FRMD4B: variants seen among roughly 807,000 people sequenced by gnomAD.
FRMD4B encodes FERM domain containing 4B.
A neutral mutation model predicts 141.5 loss-of-function variants in FRMD4B; 74 were observed. The observed-to-expected ratio is 0.52, with a 90% confidence interval of 0.43 to 0.63. The LOEUF is 0.63. Ranked by LOEUF, FRMD4B falls within the 30% of genes least tolerant of loss-of-function variation. The probability of loss-of-function intolerance (pLI) is 0.00; values close to 1 mark genes in which losing one functional copy is unlikely to be tolerated. For missense variants in FRMD4B, 1,366 were observed against 1,253.4 expected, an observed-to-expected ratio of 1.09 and a Z score of -1.36; for synonymous variants, 506 against 467.9, an observed-to-expected ratio of 1.08 and a Z score of -1.05.
intron 1 of FRMD4B, among the ~76,000 whole-genome samples, chr3:69,375,534 C>T (rs910576345): frequency 3.9e-5 from 6 of 152,032 alleles, no homozygotes; most frequent in Admixed American, 1.3e-4. Flanking sequence ...AGGTGAGTTA[C>T]GATTTGAATT....
chr3:69,302,748 C>A (rs1701257128), intron 3 of FRMD4B, among the ~76,000 whole-genome samples: 1 of 152,126 alleles, frequency 6.6e-6, no homozygotes, highest in Non-Finnish European at 1.5e-5. Flanking sequence ...ACTTCGATGT[C>A]CAAGAGGATA....
chr3:69,500,117 C>T (rs1706467110), intron 1 of FRMD4B, among the ~76,000 whole-genome samples: 1 of 152,202 alleles, frequency 6.6e-6, no homozygotes, highest in Admixed American at 6.5e-5. Flanking sequence ...GGCCAAGCCC[C>T]AGGACCCAGA....
intron 7 of FRMD4B, 150 bp downstream of exon 7, chr3:69,249,076 G>A: frequency 7.4e-6 from 4 of 544,144 alleles, no homozygotes; most frequent in Non-Finnish European, 1.3e-5. Context: ...AAAAAGAATA[G>A]GTCTCTATTT....
chr3:69,443,533 G>A (rs1212791259), intron 1 of FRMD4B, among the ~76,000 whole-genome samples: 3 of 152,208 alleles, frequency 2.0e-5, no homozygotes, highest in African/African-American at 7.2e-5. Flanking sequence ...GGTCAAAAGT[G>A]CAGAGGGCCC....
chr3:69,437,947 ATAC>A (rs1014611859), intron 1 of FRMD4B, among the ~76,000 whole-genome samples: 5 of 127,712 alleles, frequency 3.9e-5, no homozygotes, highest in African/African-American at 1.5e-4. Flanking sequence ...TATATAACAT[ATAC>A]TAATATAATA....
chr3:69,335,538 A>T (rs1254552581), intron 1 of FRMD4B, among the ~76,000 whole-genome samples: 2 of 151,452 alleles, frequency 1.3e-5, no homozygotes, highest in Non-Finnish European at 2.9e-5. Flanking sequence ...TGCCTGGCTA[A>T]TTTTTGCATC....
chr3:69,286,688 T>C (rs947652900), intron 5 of FRMD4B, among the ~76,000 whole-genome samples: 19 of 152,238 alleles, frequency 1.2e-4, no homozygotes, highest in African/African-American at 4.6e-4. Context: ...TCTTGGCCCA[T>C]GGCTTCCCTT....
At chr3:69,496,632 AGAGAAAGAG>A (rs1559545634) in intron 1 of FRMD4B, among the ~76,000 whole-genome samples, 70 of 79,548 alleles carry the variant, frequency 8.8e-4, no homozygotes, top group Non-Finnish European at 1.5e-3. Flanking sequence ...AGAGAGAGAG[AGAGAAAGAG>A]AGAGAGAGAG....
intron 1 of FRMD4B, among the ~76,000 whole-genome samples, chr3:69,531,649 T>C (rs1164541483): frequency 6.6e-6 from 1 of 152,250 alleles, no homozygotes; most frequent in Non-Finnish European, 1.5e-5. Flanking sequence ...TCGAATAGCA[T>C]GAACCTTTGC....
intron 4 of FRMD4B, among the ~76,000 whole-genome samples, chr3:69,299,085 T>C (rs1011519153): frequency 6.6e-6 from 1 of 152,150 alleles, no homozygotes; most frequent in Non-Finnish European, 1.5e-5. Context: ...GGTAGAGATT[T>C]TTGCCTTCTT....
intron 1 of FRMD4B, among the ~76,000 whole-genome samples, chr3:69,328,880 A>G (rs1302568377): frequency 1.3e-5 from 2 of 152,122 alleles, no homozygotes; most frequent in African/African-American, 4.8e-5. Flanking sequence ...CTTGTTTAGC[A>G]TATGATCAAG....
At chr3:69,528,154 G>A (rs1363767593) in intron 1 of FRMD4B, among the ~76,000 whole-genome samples, 1 of 152,084 alleles carries the variant, frequency 6.6e-6, no homozygotes, top group Admixed American at 6.5e-5. Context: ...AAGAAAAACT[G>A]CTCAAGTGTG....
intron 19 of FRMD4B, 125 bp from the exon 20 acceptor site, chr3:69,182,842 AAG>A: frequency 4.6e-6 from 4 of 875,792 alleles, no homozygotes; most frequent in Non-Finnish European, 7.2e-6. Context: ...GAAAGATAGG[AAG>A]AGTGTCTTTG....
intron 1 of FRMD4B, among the ~76,000 whole-genome samples, chr3:69,328,064 C>T (rs1374243551): frequency 6.6e-6 from 1 of 152,106 alleles, no homozygotes; most frequent in Non-Finnish European, 1.5e-5. Context: ...TGGCAAGCAC[C>T]AGGGAACATA....
chr3:69,235,426 G>C (rs999502404), intron 7 of FRMD4B, among the ~76,000 whole-genome samples: 4 of 151,916 alleles, frequency 2.6e-5, no homozygotes, highest in Non-Finnish European at 5.9e-5. Flanking sequence ...TTGGGAGGCA[G>C]AGGTGGGTGG....
intron 1 of FRMD4B, among the ~76,000 whole-genome samples, chr3:69,325,358 A>G (rs1232300552): frequency 6.6e-6 from 1 of 152,246 alleles, no homozygotes. Context: ...TCGGGCAGAC[A>G]TTCCCTGGGG....
intron 1 of FRMD4B, among the ~76,000 whole-genome samples, chr3:69,493,735 A>C (rs530556554): frequency 6.6e-6 from 1 of 152,228 alleles, no homozygotes; most frequent in East Asian, 1.9e-4. Flanking sequence ...TCACGAAGGC[A>C]GGGGCTGTGT....
chr3:69,357,817 T>C (rs1014818549), intron 1 of FRMD4B, among the ~76,000 whole-genome samples: 8 of 152,190 alleles, frequency 5.3e-5, no homozygotes, highest in Admixed American at 5.2e-4. Flanking sequence ...GAAGACCAGC[T>C]CATCTCCTCC....
Position 69,511,282 on chromosome 3 carries a change from A to C in FRMD4B, c.-129+30924T>G, listed in dbSNP as rs371435791. On this transcript the variant is annotated intron_variant, in intron 1 of 5. Transcript: ENST00000459638. ...AAAACCATGTTGGATAAGTTTTTTA[A>C]AAATCTTTTTAAACTGAAAAAGAAT... Among the ~76,000 whole-genome samples, 3 of 152,176 alleles carry C rather than the reference A, an allele frequency of 2.0e-5. No individual in the cohort carries two copies. The South Asian group carries it at 6.2e-4, about 32-fold the overall frequency.
Sources: allele counts gnomAD v4.1 joint callset (sites outside exome capture counted in the v4.1 genomes callset), GRCh38; gene constraint gnomAD v4.1.1; transcripts MANE v1.5; gene names NCBI Gene and HGNC (gene_info 2026-07-23, HGNC 2026-07-21).